The following KIF25 variants were observed in gnomAD, a reference collection of about 807,000 sequenced individuals.
KIF25 encodes the protein kinesin-like protein KIF25.
Under a neutral mutation model 32.9 loss-of-function variants are expected in KIF25, and 19 were observed. The ratio of observed to expected loss-of-function variants is 0.58; its 90% CI spans 0.40 to 0.85. The LOEUF (loss-of-function observed/expected upper bound fraction) is 0.85, where lower values mean the gene tolerates loss of function less well. Among genes scored for constraint, KIF25 ranks in the 40% least tolerant of loss-of-function variants. The probability of loss-of-function intolerance (pLI) is 0.00; values close to 1 mark genes in which losing one functional copy is unlikely to be tolerated. For missense variants in KIF25, 485 were observed against 507.0 expected, an observed-to-expected ratio of 0.96 and a Z score of 0.42; for synonymous variants, 225 against 213.7, an observed-to-expected ratio of 1.05 and a Z score of -0.46.
intron 4 of KIF25, among the ~76,000 whole-genome samples, chr6:168,016,156 T>A (rs1393289178): frequency 1.3e-5 from 2 of 152,160 alleles, no homozygotes; most frequent in Non-Finnish European, 2.9e-5. Flanking sequence ...GGAGGTCTGT[T>A]CTTATGGCGA....
chr6:168,006,549 C>G (rs1298103546), intron 4 of KIF25, among the ~76,000 whole-genome samples: 2 of 152,140 alleles, frequency 1.3e-5, no homozygotes, highest in African/African-American at 4.8e-5. Flanking sequence ...GCTGTTTCCC[C>G]CATTTCTGTG....
chr6:168,027,711 C>T (rs1035425690), intron 5 of KIF25, among the ~76,000 whole-genome samples: 1 of 152,174 alleles, frequency 6.6e-6, no homozygotes, highest in Non-Finnish European at 1.5e-5. Context: ...CTTCCCTCCA[C>T]ATCCCCACGG....
chr6:168,028,372 CCTCTCT>C (rs1389150705), intron 5 of KIF25, among the ~76,000 whole-genome samples: 2 of 152,014 alleles, frequency 1.3e-5, no homozygotes. Flanking sequence ...TATTAAAACA[CCTCTCT>C]CCCCACTGAC....
In KIF25 at chr6:168,034,076, A is replaced by T. The variant is rs757322639; in HGVS notation, c.317+45A>T. ...GTGGGGCAGAGAAATATGGCAGGGA[A>T]GCCAGGCGGTCAGCACCTTGGTTAT... On this transcript the variant is annotated intron_variant, in intron 8 of 12. Coordinates refer to ENST00000643607, the MANE Select transcript of KIF25 (RefSeq NM_030615.4). 23 of 1,605,228 alleles carry T rather than the reference A, an allele frequency of 1.4e-5. 1 individual carries two copies. In the South Asian group the frequency reaches 2.4e-4, roughly 17 times the overall value.
intron 4 of KIF25, among the ~76,000 whole-genome samples, chr6:168,015,033 G>T (rs1798695257): frequency 6.6e-6 from 1 of 152,228 alleles, no homozygotes; most frequent in South Asian, 2.1e-4. Flanking sequence ...AGAACTGATA[G>T]ATTTGATACA....
intron 4 of KIF25, among the ~76,000 whole-genome samples, chr6:168,007,511 G>A (rs974281586): frequency 2.3e-4 from 35 of 152,182 alleles, no homozygotes; most frequent in African/African-American, 8.4e-4. Flanking sequence ...TAGAAAGGGG[G>A]ATTTTATCAG....
chr6:168,036,666 A>C (rs1463509303), intron 8 of KIF25, among the ~76,000 whole-genome samples: 5 of 152,232 alleles, frequency 3.3e-5, no homozygotes, highest in Non-Finnish European at 7.3e-5. Context: ...GTGACACTCA[A>C]AGAGACAAAC....
intron 4 of KIF25, among the ~76,000 whole-genome samples, chr6:168,008,954 G>T (rs538764288): frequency 6.6e-6 from 1 of 151,882 alleles, no homozygotes; most frequent in Non-Finnish European, 1.5e-5. Flanking sequence ...CGAAGTTGTC[G>T]ATCAGTTCTA....
intron 4 of KIF25, among the ~76,000 whole-genome samples, chr6:168,008,035 G>T (rs1323765602): frequency 6.8e-6 from 1 of 146,760 alleles, no homozygotes; most frequent in African/African-American, 2.5e-5. Context: ...TCCTTTAATA[G>T]AACATTCTCT....
At chr6:168,035,159 C>G (rs2267955) in intron 8 of KIF25, among the ~76,000 whole-genome samples, 11,094 of 151,568 alleles carry the variant, frequency 0.073, 463 homozygotes, top group Middle Eastern at 0.092. Context: ...GACCCCCCGC[C>G]GCGTCTCTTC....
In KIF25 at chr6:168,027,454, CAAAA is replaced by C. The variant is rs757678230; in HGVS notation, c.-94-2020_-94-2017del. Among the ~76,000 whole-genome samples the C allele has an allele frequency of 2.2e-3, 192 of 88,964 alleles. 2 individuals carry two copies. In the South Asian group the frequency reaches 0.03, roughly 14 times the overall value. The allele number at this position is 88,964 out of a possible 152,430, so 58.4% of individuals were successfully genotyped here. On this transcript the variant is annotated intron_variant, in intron 5 of 12. Coordinates refer to ENST00000643607, the MANE Select transcript of KIF25 (RefSeq NM_030615.4). Reference sequence around the variant, plus strand: ...GGGCGACAGAGCAAGACTCTGTCTCCAAAAAAAAAAAAAAAAAAAAAGAGAGAGA... The same window carrying C: ...GGGCGACAGAGCAAGACTCTGTCTCCAAAAAAAAAAAAAAAAAGAGAGAGA...
At chr6:168,003,766 G>C (rs1798537388) in intron 4 of KIF25, 63 bp downstream of exon 4, 1 of 152,144 alleles carries the variant, frequency 6.6e-6, no homozygotes, top group Non-Finnish European at 1.5e-5. Flanking sequence ...TGAATAAATA[G>C]AAAATAATTT....
intron 8 of KIF25, among the ~76,000 whole-genome samples, chr6:168,038,132 AG>A (rs1418386892): frequency 6.6e-6 from 1 of 152,186 alleles, no homozygotes; most frequent in East Asian, 1.9e-4. Flanking sequence ...GAAGTGGAAA[AG>A]TTTTAAAATA....
At chr6:168,001,241 A>G (rs1166968296) in intron 2 of KIF25, among the ~76,000 whole-genome samples, 1 of 152,166 alleles carries the variant, frequency 6.6e-6, no homozygotes, top group South Asian at 2.1e-4. Context: ...TTTTGTATGG[A>G]CCGGTTCAGC....
At chr6:168,033,019 C>T (rs529082250) in intron 7 of KIF25, among the ~76,000 whole-genome samples, 1 of 152,162 alleles carries the variant, frequency 6.6e-6, no homozygotes, top group East Asian at 1.9e-4. Flanking sequence ...CTAAATAGCA[C>T]AATTGGAAGG....
intron 8 of KIF25, 86 bp from the exon 9 acceptor site, chr6:168,038,467 G>T: frequency 7.2e-7 from 1 of 1,381,992 alleles, no homozygotes; most frequent in Non-Finnish European, 1.0e-6. Flanking sequence ...TGAGCATCCT[G>T]TAGGGCGTCT....
intron 8 of KIF25, chr6:168,035,759 C>T: frequency 2.2e-6 from 1 of 456,228 alleles, no homozygotes; most frequent in Non-Finnish European, 4.4e-6. Context: ...TGATTTGCGG[C>T]ACTGGAATCC....
intron 4 of KIF25, among the ~76,000 whole-genome samples, chr6:168,008,221 C>G (rs77916411): frequency 2.0e-5 from 3 of 152,114 alleles, no homozygotes; most frequent in Non-Finnish European, 4.4e-5. Context: ...CACATTTAGG[C>G]CTTTGATCCA....
intron 5 of KIF25, among the ~76,000 whole-genome samples, chr6:168,025,985 G>A (rs569721031): frequency 1.9e-3 from 287 of 152,308 alleles, no homozygotes; most frequent in African/African-American, 6.6e-3. Flanking sequence ...TCACCTACAC[G>A]TAGCCCTTGG....
Sources: gnomAD v4.1 joint callset for allele counts (sites outside exome capture counted in the v4.1 genomes callset) on GRCh38, gnomAD v4.1.1 for gene constraint, MANE v1.5 for transcripts, NCBI Gene and HGNC (gene_info 2026-07-23, HGNC 2026-07-21) for gene names.